UGT2B7: variants seen among roughly 807,000 people sequenced by gnomAD.
The protein encoded by UGT2B7 is UDP-glucuronosyltransferase 2B7.
Under a neutral mutation model 51.9 loss-of-function variants are expected in UGT2B7, and 51 were observed. The ratio of observed to expected loss-of-function variants is 0.98; its 90% CI spans 0.78 to 1.24. The LOEUF (loss-of-function observed/expected upper bound fraction) is 1.24, where lower values mean the gene tolerates loss of function less well. Ranked by LOEUF, UGT2B7 falls within the 50% of genes most tolerant of loss-of-function variation. The pLI, the probability that UGT2B7 is intolerant of heterozygous loss-of-function variation, is 0.00. For synonymous variants in UGT2B7, 225 were observed against 211.6 expected (o/e 1.06, Z -0.55); for missense variants, 727 against 628.4 (o/e 1.16, Z -1.68).
intron 2 of UGT2B7, among the ~76,000 whole-genome samples, 157 bp downstream of exon 2, chr4:69,098,845 T>C (rs1262389587): frequency 6.6e-6 from 1 of 151,968 alleles, no homozygotes. Flanking sequence ...TGCACGTTAA[T>C]ACCATCACAC....
At chr4:69,083,405 A>G (rs1718879190) in intron 1 of UGT2B7, among the ~76,000 whole-genome samples, 1 of 152,062 alleles carries the variant, frequency 6.6e-6, no homozygotes. Flanking sequence ...AATTTAGTGT[A>G]TTAGAAACAT....
chr4:69,077,037 A>G (rs527995867), intron 1 of UGT2B7, among the ~76,000 whole-genome samples: 19 of 152,274 alleles, frequency 1.2e-4, no homozygotes, highest in African/African-American at 4.1e-4. Context: ...TTAAATAGGG[A>G]ATGCTTTCCT....
chr4:69,094,900 A>G (rs1327437239), upstream of UGT2B7, among the ~76,000 whole-genome samples: 1 of 152,232 alleles, frequency 6.6e-6, no homozygotes, highest in Non-Finnish European at 1.5e-5. Flanking sequence ...AACAATGTTC[A>G]TAACATCTTC....
intron 1 of UGT2B7, among the ~76,000 whole-genome samples, chr4:69,071,554 C>T (rs113554367): frequency 0.033 from 5,004 of 152,096 alleles, 263 homozygotes; most frequent in African/African-American, 0.12. Flanking sequence ...GCTGTTCTTC[C>T]ATCTGACAAG....
chr4:69,089,249 G>A (rs1242299419), intron 1 of UGT2B7, among the ~76,000 whole-genome samples: 2 of 152,096 alleles, frequency 1.3e-5, no homozygotes, highest in Non-Finnish European at 2.9e-5. Flanking sequence ...TAAGTGTTCT[G>A]TATAATTATT....
chr4:69,097,347 G>T (rs1000002459), intron 1 of UGT2B7, 106 bp downstream of exon 1: 6 of 1,337,408 alleles, frequency 4.5e-6, no homozygotes, highest in Non-Finnish European at 5.0e-6. Flanking sequence ...TTTGGTAAGT[G>T]AATTTATAAA....
At chr4:69,055,470 A>G (rs922928593) in intron 1 of UGT2B7, among the ~76,000 whole-genome samples, 1 of 152,172 alleles carries the variant, frequency 6.6e-6, no homozygotes, top group African/African-American at 2.4e-5. Flanking sequence ...ATTAGACATT[A>G]ACAGAAAAAG....
Position 69,064,762 on chromosome 4 carries a change from C to T in UGT2B7, c.-159+13160C>T, listed in dbSNP as rs972651030. Reference sequence around the variant, plus strand: ...CAATAAAGATATCCTCCTGTATACACCCCAAGGTCTCTCTCTGGTACTCCT... The same window carrying T: ...CAATAAAGATATCCTCCTGTATACATCCCAAGGTCTCTCTCTGGTACTCCT... On this transcript the variant is annotated intron_variant, in intron 1 of 5. Transcript: ENST00000502942. Among the ~76,000 whole-genome samples the T allele has an allele frequency of 2.6e-5, 4 of 152,134 alleles. No homozygotes were observed. The South Asian group carries it at 8.3e-4, about 31-fold the overall frequency.
intron 5 of UGT2B7, 87 bp downstream of exon 5, chr4:69,108,409 G>T: frequency 7.0e-7 from 1 of 1,420,544 alleles, no homozygotes; most frequent in South Asian, 1.4e-5. Context: ...CTTTTTATAA[G>T]AGACTAATTT....
chr4:69,070,250 A>G (rs1349626043), intron 1 of UGT2B7, among the ~76,000 whole-genome samples: 2 of 147,458 alleles, frequency 1.4e-5, no homozygotes, highest in East Asian at 3.9e-4. Flanking sequence ...TCATAAATTT[A>G]TATATTTTAT....
chr4:69,055,417 C>G (rs1718163836), intron 1 of UGT2B7, among the ~76,000 whole-genome samples: 1 of 149,472 alleles, frequency 6.7e-6, no homozygotes. Flanking sequence ...TTGATAATCA[C>G]AAACCCCTCA....
At chr4:69,112,306 G>C (rs1719796158) in intron 5 of UGT2B7, 151 bp from the exon 6 acceptor site, 7 of 1,136,068 alleles carry the variant, frequency 6.2e-6, no homozygotes, top group Non-Finnish European at 6.1e-6. Flanking sequence ...AAAAGGGACA[G>C]GAATTGCTCA....
upstream of UGT2B7, among the ~76,000 whole-genome samples, chr4:69,093,592 G>A (rs577666321): frequency 2.0e-5 from 3 of 152,296 alleles, no homozygotes; most frequent in East Asian, 1.9e-4. Flanking sequence ...AAGGCATCAC[G>A]TCTCTACACG....
intron 1 of UGT2B7, among the ~76,000 whole-genome samples, chr4:69,085,563 C>T (rs1718935241): frequency 6.6e-6 from 1 of 152,072 alleles, no homozygotes; most frequent in African/African-American, 2.4e-5. Context: ...AATGGCATTG[C>T]CTAGGTTTTC....
chr4:69,090,798 G>A (rs1719068944), intron 2 of UGT2B7, among the ~76,000 whole-genome samples: 1 of 152,118 alleles, frequency 6.6e-6, no homozygotes, highest in Admixed American at 6.6e-5. Flanking sequence ...GACTTTACAT[G>A]CCAATATTAG....
At chr4:69,086,343 A>T (rs1219701630) in intron 1 of UGT2B7, among the ~76,000 whole-genome samples, 1 of 151,750 alleles carries the variant, frequency 6.6e-6, no homozygotes, top group Non-Finnish European at 1.5e-5. Context: ...TGTGGAAAAA[A>T]ATTGACACCA....
intron 5 of UGT2B7, among the ~76,000 whole-genome samples, chr4:69,109,364 A>G (rs1409695586): frequency 6.6e-6 from 1 of 152,158 alleles, no homozygotes; most frequent in Non-Finnish European, 1.5e-5. Flanking sequence ...GCAGTACAAC[A>G]TGGTTCCAAT....
chr4:69,054,623 C>A (rs926994071), intron 1 of UGT2B7, among the ~76,000 whole-genome samples: 21 of 151,600 alleles, frequency 1.4e-4, no homozygotes, highest in African/African-American at 5.1e-4. Context: ...TCTAGTAGGC[C>A]CAACCTCCGA....
chr4:69,090,446 A>T (rs1479851713), intron 2 of UGT2B7, among the ~76,000 whole-genome samples: 1 of 148,996 alleles, frequency 6.7e-6, no homozygotes, highest in Admixed American at 6.8e-5. Context: ...CATAAATTCT[A>T]AGTAACTTCT....
Sources: gnomAD v4.1 joint callset for allele counts (sites outside exome capture counted in the v4.1 genomes callset) on GRCh38, gnomAD v4.1.1 for gene constraint, MANE v1.5 for transcripts, NCBI Gene and HGNC (gene_info 2026-07-23, HGNC 2026-07-21) for gene names.